The following PLCB1 variants were observed in gnomAD, a reference collection of about 807,000 sequenced individuals.
PLCB1 encodes the protein 1-phosphatidylinositol 4,5-bisphosphate phosphodiesterase beta-1.
In PLCB1, 46 loss-of-function variants were observed where a neutral mutation model predicts 161.8. The ratio of observed to expected loss-of-function variants is 0.28; its 90% confidence interval spans 0.22 to 0.36. PLCB1 has a LOEUF of 0.36. Ranked by LOEUF, PLCB1 falls within the 10% of genes least tolerant of loss-of-function variation. PLCB1 has a pLI of 1.00. For missense variants in PLCB1, 1,016 were observed against 1,472.5 expected, an observed-to-expected ratio of 0.69 and a Z score of 5.07; for synonymous variants, 517 against 503.7, an observed-to-expected ratio of 1.03 and a Z score of -0.35.
intron 3 of PLCB1, among the ~76,000 whole-genome samples, chr20:8,414,616 C>T (rs73897471): frequency 0.032 from 4,919 of 152,180 alleles, 261 homozygotes; most frequent in African/African-American, 0.11. Context: ...TAAAGTATTA[C>T]TTGAGAACAT....
intron 2 of PLCB1, among the ~76,000 whole-genome samples, chr20:8,329,822 G>T (rs937012227): frequency 5.9e-5 from 9 of 152,142 alleles, no homozygotes; most frequent in African/African-American, 1.9e-4. Flanking sequence ...TCTGAAATCA[G>T]AGTTGGGTCT....
At chr20:8,742,920 A>G (rs1277631990) in intron 23 of PLCB1, among the ~76,000 whole-genome samples, 1 of 152,196 alleles carries the variant, frequency 6.6e-6, no homozygotes, top group East Asian at 1.9e-4. Context: ...CTGCAACTTT[A>G]CTGAATGTTA....
chr20:8,378,269 T>C (rs6055777), intron 3 of PLCB1, among the ~76,000 whole-genome samples: 16,948 of 152,192 alleles, frequency 0.11, 1,421 homozygotes, highest in African/African-American at 0.23. Flanking sequence ...AGGACAAATA[T>C]AGTATGACTC....
In PLCB1 at chr20:8,226,982, C is replaced by T. The variant is rs187878771; in HGVS notation, c.177+76611C>T. Among the ~76,000 whole-genome samples, 203 of 152,162 alleles carry T rather than the reference C, an allele frequency of 1.3e-3. 3 individuals carry two copies. Among genetic ancestry groups the T allele is most frequent in the East Asian group, 1.4e-3 (7 of 5,182 alleles). On this transcript the variant is annotated intron_variant, in intron 2 of 31. Coordinates refer to ENST00000338037, the MANE Select transcript of PLCB1 (RefSeq NM_015192.4). ...GATTACAGGCATGAGCCACCGCGCCCGGCCAAGTAAAACCAATTTTTAAAA... is the reference window on the plus strand; with the variant it reads ...GATTACAGGCATGAGCCACCGCGCCTGGCCAAGTAAAACCAATTTTTAAAA...
intron 2 of PLCB1, among the ~76,000 whole-genome samples, chr20:8,180,756 G>A (rs991754009): frequency 2.6e-5 from 4 of 152,076 alleles, no homozygotes; most frequent in Non-Finnish European, 5.9e-5. Flanking sequence ...AACAATAAAT[G>A]AGCCTAACAG....
At chr20:8,479,345 T>C (rs569252810) in intron 3 of PLCB1, among the ~76,000 whole-genome samples, 1 of 152,332 alleles carries the variant, frequency 6.6e-6, no homozygotes, top group African/African-American at 2.4e-5. Context: ...TGAAATACAT[T>C]TCAGAAGATA....
intron 2 of PLCB1, among the ~76,000 whole-genome samples, chr20:8,244,715 TACCGCA>T (rs1177050763): frequency 1.3e-5 from 2 of 151,900 alleles, no homozygotes; most frequent in Non-Finnish European, 2.9e-5. Context: ...GTATATGCTA[TACCGCA>T]GTAAAAGTAT....
At chr20:8,189,617 AT>A (rs2051944816) in intron 2 of PLCB1, among the ~76,000 whole-genome samples, 1 of 152,034 alleles carries the variant, frequency 6.6e-6, no homozygotes, top group African/African-American at 2.4e-5. Context: ...ATGTACTCAA[AT>A]TTTCTATCAA....
intron 3 of PLCB1, among the ~76,000 whole-genome samples, chr20:8,600,384 T>G (rs574202821): frequency 8.0e-6 from 1 of 125,492 alleles, no homozygotes; most frequent in Non-Finnish European, 1.7e-5. Context: ...GTGCCCCTGC[T>G]GGGGGGTGCC....
At chr20:8,588,257 A>G (rs1987048186) in intron 3 of PLCB1, among the ~76,000 whole-genome samples, 1 of 152,178 alleles carries the variant, frequency 6.6e-6, no homozygotes, top group African/African-American at 2.4e-5. Context: ...TAATTTTCAA[A>G]ATTATTTTGG....
intron 3 of PLCB1, among the ~76,000 whole-genome samples, chr20:8,588,817 G>A (rs922598975): frequency 5.9e-5 from 9 of 152,160 alleles, no homozygotes; most frequent in Non-Finnish European, 1.2e-4. Flanking sequence ...TCATGTAGCT[G>A]ATTTCATGAA....
chr20:8,737,691 C>T, intron 20 of PLCB1, among the ~76,000 whole-genome samples: 1 of 152,118 alleles, frequency 6.6e-6, no homozygotes, highest in Admixed American at 6.6e-5. Flanking sequence ...CTTTCTTCAC[C>T]AAAAAGCAAA....
intron 27 of PLCB1, among the ~76,000 whole-genome samples, chr20:8,783,797 A>G (rs1033106853): frequency 5.6e-4 from 85 of 152,304 alleles, no homozygotes; most frequent in African/African-American, 2.0e-3. Context: ...CTCCATTGAC[A>G]TGTAGGAAAA....
At position 8,684,067 on chromosome 20, in the gene PLCB1, G is replaced by T. The variant is rs1474284776; in HGVS notation, c.863-865G>T. Among the ~76,000 whole-genome samples, 6 of 151,648 alleles carry T rather than the reference G, an allele frequency of 4.0e-5. No homozygotes were observed. In the East Asian group the frequency reaches 1.2e-3, roughly 30 times the overall value. On this transcript the variant is annotated intron_variant, in intron 9 of 31. Transcript: ENST00000338037. ...CCCGGCTAATTTTTCTGTATTTTTA[G>T]TAGAGACGAGGTTTCACCGTGTTAG... is the stretch of plus-strand genomic sequence containing the variant.
chr20:8,414,638 TTAATC>T (rs1379681355), intron 3 of PLCB1, among the ~76,000 whole-genome samples: 1 of 152,206 alleles, frequency 6.6e-6, no homozygotes, highest in Non-Finnish European at 1.5e-5. Flanking sequence ...TCTCTGATGT[TTAATC>T]TAATATTCTA....
intron 3 of PLCB1, among the ~76,000 whole-genome samples, chr20:8,550,208 G>A (rs1384918025): frequency 1.3e-5 from 2 of 152,144 alleles, no homozygotes; most frequent in Admixed American, 1.3e-4. Context: ...AAGACTTTGG[G>A]GGACTGTTGG....
intron 2 of PLCB1, among the ~76,000 whole-genome samples, chr20:8,304,083 A>G (rs1414900590): frequency 3.3e-5 from 5 of 152,206 alleles, no homozygotes. Flanking sequence ...GGTAGTTGGT[A>G]TGGACAAACA....
Position 8,402,787 on chromosome 20 carries a change from G to A in PLCB1, c.246+31337G>A, listed in dbSNP as rs547159529. The stretch of plus-strand genomic sequence containing the variant: ...GTGAACCTGGGAGGCGGAGCTTGCA[G>A]TCAGCCGAGATCGTGCCACTGCACT... On this transcript the variant is annotated intron_variant, in intron 3 of 31. Transcript: ENST00000338037. Among the ~76,000 whole-genome samples, 28 of 152,104 alleles carry A rather than the reference G, an allele frequency of 1.8e-4. No homozygotes were observed. The East Asian group carries it at 5.0e-3, about 27-fold the overall frequency.
At chr20:8,802,332 T>C in intron 31 of PLCB1, 2 of 545,900 alleles carry the variant, frequency 3.7e-6, no homozygotes, top group Non-Finnish European at 3.2e-6. Context: ...CATGATCATT[T>C]CCTCATCCTT....
Sources: gnomAD v4.1 joint callset for allele counts (sites outside exome capture counted in the v4.1 genomes callset) on GRCh38, gnomAD v4.1.1 for gene constraint, MANE v1.5 for transcripts, NCBI Gene and HGNC (gene_info 2026-07-23, HGNC 2026-07-21) for gene names.